Variants in SARDH observed in about 807,000 individuals in gnomAD.
The protein encoded by SARDH is sarcosine dehydrogenase, mitochondrial.
SARDH carries 95 observed loss-of-function variants against 109.1 expected under a neutral mutation model. The observed-to-expected ratio is 0.87, with a 90% CI of 0.74 to 1.03. SARDH has a LOEUF of 1.03. Ranked by LOEUF, SARDH falls within the 50% of genes least tolerant of loss-of-function variation. SARDH has a pLI of 0.00. For missense variants in SARDH, 1,267 were observed against 1,287.8 expected, an observed-to-expected ratio of 0.98 and a Z score of 0.25; for synonymous variants, 572 against 534.8, an observed-to-expected ratio of 1.07 and a Z score of -0.96.
In SARDH at chr9:133,709,275, C is replaced by A. The variant is rs1378758431; in HGVS notation, c.1329-847G>T. ...CACCTGCGGCCTAGGCCTCTGCTGC[C>A]CCTGAGTGGGCAGAGCAATCAGTGC... On this transcript the variant is annotated intron_variant, in intron 10 of 20. Transcript: ENST00000439388. The surrounding 1 kb of genome is among the most constrained non-coding windows in gnomAD (Gnocchi z 4.2). Among the ~76,000 whole-genome samples the A allele has an allele frequency of 6.6e-6, 1 of 152,164 alleles. No individual in the cohort carries two copies. The highest frequency in any genetic ancestry group is 2.4e-5 in the African/African-American group (1 of 41,450).
intron 17 of SARDH, among the ~76,000 whole-genome samples, chr9:133,677,706 G>T (rs1830565848): frequency 6.6e-6 from 1 of 152,224 alleles, no homozygotes; most frequent in African/African-American, 2.4e-5. Flanking sequence ...GGCCCTGGCT[G>T]GGGGCAAGGG....
chr9:133,673,820 C>T (rs1830430204), intron 17 of SARDH, among the ~76,000 whole-genome samples: 1 of 152,164 alleles, frequency 6.6e-6, no homozygotes, highest in South Asian at 2.1e-4. Flanking sequence ...CTATGCACGG[C>T]CCTCCAATTG....
chr9:133,706,103 C>T (rs754004758), intron 11 of SARDH, among the ~76,000 whole-genome samples: 1 of 152,268 alleles, frequency 6.6e-6, no homozygotes, highest in Non-Finnish European at 1.5e-5. Context: ...AGCAATTCCA[C>T]TCCCAAGTAT....
At chr9:133,669,672 A>G (rs1164112705) in intron 19 of SARDH, among the ~76,000 whole-genome samples, 1 of 152,166 alleles carries the variant, frequency 6.6e-6, no homozygotes, top group Non-Finnish European at 1.5e-5. Context: ...GCCCCCAGGC[A>G]GAGTCTCTCC....
chr9:133,671,998 A>T (rs1830366698), intron 17 of SARDH, among the ~76,000 whole-genome samples: 1 of 152,158 alleles, frequency 6.6e-6, no homozygotes. Context: ...ATAACAAACG[A>T]CCACAACTGG....
At chr9:133,672,745 G>A (rs541483784) in intron 17 of SARDH, among the ~76,000 whole-genome samples, 2 of 152,380 alleles carry the variant, frequency 1.3e-5, no homozygotes, top group South Asian at 4.1e-4. Context: ...GTGAGGAAGG[G>A]GCCGGAAAGC....
At chr9:133,679,495 C>T (rs1830623148) in intron 17 of SARDH, among the ~76,000 whole-genome samples, 1 of 152,250 alleles carries the variant, frequency 6.6e-6, no homozygotes, top group Non-Finnish European at 1.5e-5. Flanking sequence ...ACGGAGTGCT[C>T]CCAGCCCAGC....
At chr9:133,685,509 G>C (rs1255699650) in intron 16 of SARDH, among the ~76,000 whole-genome samples, 1 of 152,224 alleles carries the variant, frequency 6.6e-6, no homozygotes, top group Non-Finnish European at 1.5e-5. Context: ...CAGGACCCCT[G>C]GGGGAGGCCA....
At chr9:133,724,141 A>G (rs796426877) in intron 6 of SARDH, among the ~76,000 whole-genome samples, 26 of 152,318 alleles carry the variant, frequency 1.7e-4, no homozygotes, top group African/African-American at 6.3e-4. Context: ...AAACCATACC[A>G]TAAAAAAGCG....
chr9:133,718,528 A>G lies in SARDH; in HGVS notation c.1020+410T>C. 3 of 654,810 alleles carry G rather than the reference A, an allele frequency of 4.6e-6. No individual in the cohort carries two copies. The South Asian group carries it at 5.3e-5, about 11-fold the overall frequency. 40.6% of individuals were successfully genotyped at this position (654,810 alleles called of 1,614,324 possible). ...GTGTGGACTAAATGCATATACACAT[A>G]GAACAGGGCTGCAGGGCTGCCCTAA... On this transcript the variant is annotated intron_variant, in intron 7 of 20. Transcript: ENST00000439388. The surrounding 1 kb of genome is among the most constrained non-coding windows in gnomAD (Gnocchi z 4.2).
In SARDH at chr9:133,674,972, T is replaced by C. The variant is rs574562331; in HGVS notation, c.2164-3275A>G. On this transcript the variant is annotated intron_variant, in intron 17 of 20. Coordinates refer to ENST00000439388, the MANE Select transcript of SARDH (RefSeq NM_001134707.2). ...GGAGAGAACATTTGCAAGTCTTACA[T>C]ATGATAAGGGCCTTCTACCCAGACA... Among the ~76,000 whole-genome samples the C allele has an allele frequency of 1.9e-4, 29 of 152,286 alleles. No individual in the cohort carries two copies. In the South Asian group the frequency reaches 6.0e-3, roughly 32 times the overall value.
In SARDH at chr9:133,718,547, G is replaced by T; in HGVS notation, c.1020+391C>A. The T allele has an allele frequency of 2.8e-6, 2 of 713,810 alleles. No homozygotes were observed. Among genetic ancestry groups the T allele is most frequent in the Admixed American group, 1.8e-5 (1 of 54,642 alleles). The allele number at this position is 713,810 out of a possible 1,614,324, so 44.2% of individuals were successfully genotyped here. A position where few individuals can be genotyped will look rare whatever the true frequency, so the allele number is the denominator to read the frequency against. ...ACACATAGAACAGGGCTGCAGGGCT[G>T]CCCTAACCCCAGAAGCTGCCCGGGA... is the stretch of plus-strand genomic sequence containing the variant. On this transcript the variant is annotated intron_variant, in intron 7 of 20. Transcript: ENST00000439388. The surrounding 1 kb of genome is among the most constrained non-coding windows in gnomAD (Gnocchi z 4.2).
chr9:133,715,761 G>T (rs1027718377), intron 8 of SARDH, among the ~76,000 whole-genome samples: 1 of 152,180 alleles, frequency 6.6e-6, no homozygotes, highest in African/African-American at 2.4e-5. Context: ...GCTGGGCCTG[G>T]CCTATGCCCT....
chr9:133,738,812 T>C (rs576189112), upstream of SARDH, among the ~76,000 whole-genome samples: 36 of 152,308 alleles, frequency 2.4e-4, no homozygotes, highest in African/African-American at 7.5e-4. Context: ...GGATGCTCAC[T>C]GCCTTCAGAG....
chr9:133,708,669 C>G (rs1310913575), intron 10 of SARDH, among the ~76,000 whole-genome samples: 2 of 152,168 alleles, frequency 1.3e-5, no homozygotes, highest in African/African-American at 4.8e-5. Flanking sequence ...GAGGGCCCAG[C>G]TGAGGCTCTC....
Position 133,666,853 on chromosome 9 carries a change from C to A in SARDH, c.2513G>T (p.Gly838Val). 1 of 1,612,308 alleles carries A rather than the reference C, an allele frequency of 6.2e-7. No individual in the cohort carries two copies. Among genetic ancestry groups the A allele is most frequent in the Non-Finnish European group, 8.5e-7 (1 of 1,179,486 alleles). The change falls in exon 20 of 21, where the codon GGC becomes GTC. Residue 838 changes from glycine (G) to valine (V), a missense_variant. Physicochemically the swap from Gly to Val is moderately radical, Grantham distance 109 (BLOSUM62 -3). Transcript: ENST00000439388. This position sits in a 1 kb window ranked among gnomAD's most constrained non-coding sequence, Gnocchi z 5.2. ...FTMEDKVPMFGLEAIWRNGQV... is the reference protein window; with the variant it reads ...FTMEDKVPMFVLEAIWRNGQV... The stretch of plus-strand genomic sequence containing the variant: ...GCCGTTCCTCCAGATGGCCTCCAGG[C>A]CAAACATGGGTACTTTGCTGGAAGA...
In SARDH at chr9:133,733,872, A is replaced by G; in HGVS notation, c.302T>C (p.Leu101Pro). ...SGAVLLERER[L>P]TSGTTWHTAG... ...CGTGTGCCAGGTGGTCCCGGAGGTC[A>G]GCCGCTCCCGCTCCAGCAGCACCGC... is the stretch of plus-strand genomic sequence containing the variant. Residue 101 changes from leucine to proline, a missense_variant, in exon 2 of 21, where the codon CTG (leucine) becomes CCG (proline). Leu to Pro is a moderately conservative substitution (Grantham distance 98). Coordinates refer to ENST00000439388, the MANE Select transcript of SARDH (RefSeq NM_001134707.2). 6.7e-7 allele frequency: 1 copy of G among 1,485,272 alleles called. No homozygotes were observed. The highest frequency in any genetic ancestry group is 8.9e-7 in the Non-Finnish European group (1 of 1,117,378). The allele number at this position is 1,485,272 out of a possible 1,614,324, so 92.0% of individuals were successfully genotyped here. A position where few individuals can be genotyped will look rare whatever the true frequency, so the allele number is the denominator to read the frequency against.
In SARDH at chr9:133,718,621, C is replaced by T. The variant is rs759155149; in HGVS notation, c.1020+317G>A. On this transcript the variant is annotated intron_variant, in intron 7 of 20. Transcript: ENST00000439388. This position sits in a 1 kb window ranked among gnomAD's most constrained non-coding sequence, Gnocchi z 4.2. The stretch of plus-strand genomic sequence containing the variant: ...CCGCTGCAGCAGCTGGTTGGGAGGG[C>T]AGTGTCATTTGCTGAAGGACGTAGG... The T allele has an allele frequency of 2.2e-5, 17 of 774,006 alleles. No individual in the cohort carries two copies. In the East Asian group the frequency reaches 2.7e-4, roughly 12 times the overall value. 47.9% of individuals were successfully genotyped at this position (774,006 alleles called of 1,614,324 possible). A position where few individuals can be genotyped will look rare whatever the true frequency, so the allele number is the denominator to read the frequency against.
Position 133,666,881 on chromosome 9 carries a change from C to A in SARDH, c.2496-11G>T, listed in dbSNP as rs1437718087. On this transcript the variant is annotated splice_polypyrimidine_tract_variant and intron_variant, in intron 19 of 20. Transcript: ENST00000439388. This position sits in a 1 kb window ranked among gnomAD's most constrained non-coding sequence, Gnocchi z 5.2. ...AACATGGGTACTTTGCTGGAAGAAG[C>A]AGTAGAGAAAGCTGGGGCCCCAGAA... 6.2e-7 allele frequency: 1 copy of A among 1,612,154 alleles called. No individual in the cohort carries two copies. The highest frequency in any genetic ancestry group is 8.5e-7 in the Non-Finnish European group (1 of 1,179,618).
Sources: gnomAD v4.1 joint callset for allele counts (sites outside exome capture counted in the v4.1 genomes callset) on GRCh38, gnomAD v4.1.1 for gene constraint, Gnocchi (gnomAD v3.1) non-coding constraint, MANE v1.5 for transcripts, NCBI Gene and HGNC (gene_info 2026-07-23, HGNC 2026-07-21) for gene names.